Variants in ATP8B4 observed in about 807,000 individuals in gnomAD.
ATP8B4 encodes the protein probable phospholipid-transporting ATPase IM.
A neutral mutation model predicts 145.6 loss-of-function variants in ATP8B4; 133 were observed. That is an observed-to-expected ratio of 0.91 (90% confidence interval 0.79 to 1.05). The LOEUF is 1.05. Ranked by LOEUF, ATP8B4 falls within the 50% of genes least tolerant of loss-of-function variation. The probability of loss-of-function intolerance (pLI) is 0.00; values close to 1 mark genes in which losing one functional copy is unlikely to be tolerated. For synonymous variants in ATP8B4, 507 were observed against 492.9 expected, an observed-to-expected ratio of 1.03 and a Z score of -0.38; for missense variants, 1,458 against 1,425.2, an observed-to-expected ratio of 1.02 and a Z score of -0.37.
At chr15:49,914,615 CAATT>C (rs2039550998) in intron 20 of ATP8B4, among the ~76,000 whole-genome samples, 1 of 151,884 alleles carries the variant, frequency 6.6e-6, no homozygotes, top group Admixed American at 6.6e-5. Context: ...ACAAGGAACT[CAATT>C]AAAACAGTAA....
At chr15:50,169,523 GAAC>G (rs2044641539) in intron 1 of ATP8B4, among the ~76,000 whole-genome samples, 1 of 152,294 alleles carries the variant, frequency 6.6e-6, no homozygotes, top group Non-Finnish European at 1.5e-5. Context: ...AAAAAATTCT[GAAC>G]AACACCCTTC....
chr15:50,065,104 T>C (rs2053287896), intron 3 of ATP8B4, among the ~76,000 whole-genome samples: 1 of 152,170 alleles, frequency 6.6e-6, no homozygotes, highest in Non-Finnish European at 1.5e-5. Flanking sequence ...TTAAGTGTTC[T>C]CATCATAAAA....
intron 25 of ATP8B4, among the ~76,000 whole-genome samples, chr15:49,871,726 A>T (rs2033694798): frequency 6.6e-6 from 1 of 152,198 alleles, no homozygotes; most frequent in African/African-American, 2.4e-5. Flanking sequence ...TTAGGAATGC[A>T]GTGGCAACCA....
At chr15:50,056,572 G>A (rs569542184) in intron 3 of ATP8B4, among the ~76,000 whole-genome samples, 5 of 152,136 alleles carry the variant, frequency 3.3e-5, no homozygotes, top group South Asian at 2.1e-4. Context: ...AGGGGTGCTC[G>A]TTTCCTGGGT....
chr15:50,071,075 C>A (rs1335780065), intron 3 of ATP8B4, among the ~76,000 whole-genome samples: 1 of 152,136 alleles, frequency 6.6e-6, no homozygotes, highest in Non-Finnish European at 1.5e-5. Context: ...GATGGAGCTA[C>A]CTTGTTCAAT....
chr15:49,936,470 C>T (rs2041744778), intron 14 of ATP8B4, among the ~76,000 whole-genome samples: 1 of 152,126 alleles, frequency 6.6e-6, no homozygotes, highest in Non-Finnish European at 1.5e-5. Flanking sequence ...TTGAAGGGAT[C>T]ACTCCACTGT....
intron 14 of ATP8B4, among the ~76,000 whole-genome samples, chr15:49,942,718 G>A (rs1402489750): frequency 6.6e-6 from 1 of 151,938 alleles, no homozygotes; most frequent in Non-Finnish European, 1.5e-5. Context: ...CCAGCTACTC[G>A]GGAGGCTGAG....
At position 49,860,315 on chromosome 15, in the gene ATP8B4, G is replaced by A. The variant is rs750065508; in HGVS notation, c.3458C>T (p.Pro1153Leu). The change falls in exon 28 of 28, where the codon CCA becomes CTA. Residue 1153 changes from proline to leucine, a missense_variant. By Grantham distance (98) the Pro-to-Leu change is moderately conservative. Transcript: ENST00000284509. Reference sequence around the variant, plus strand: ...CTTTTCCAGCCCTGATGTTGGGGGTGGATTTTTAGCTCGCATATTTTTTCC... The same window carrying A: ...CTTTTCCAGCCCTGATGTTGGGGGTAGATTTTTAGCTCGCATATTTTTTCC... ...TSGKNMRAKN[P>L]PPTSGLEKTH... 6.2e-7 allele frequency: 1 copy of A among 1,614,058 alleles called. No homozygotes were observed. The highest frequency in any genetic ancestry group is 1.1e-5 in the South Asian group (1 of 91,072).
intron 7 of ATP8B4, chr15:50,009,824 G>A (rs1208356619): frequency 2.8e-6 from 1 of 361,616 alleles, no homozygotes; most frequent in East Asian, 8.2e-5. Context: ...CGACACCTTT[G>A]TGTTTATTTT....
intron 13 of ATP8B4, among the ~76,000 whole-genome samples, chr15:49,970,330 T>C (rs1567107885): frequency 6.6e-6 from 1 of 152,186 alleles, no homozygotes; most frequent in Non-Finnish European, 1.5e-5. Context: ...GGAAATCAAA[T>C]TGTCTCTGTT....
chr15:50,116,721 C>T (rs1287751108), intron 1 of ATP8B4, among the ~76,000 whole-genome samples: 2 of 151,946 alleles, frequency 1.3e-5, no homozygotes, highest in Non-Finnish European at 2.9e-5. Context: ...ATGCTGTGGC[C>T]CTCCCTCTGT....
At chr15:50,151,945 T>C (rs1176756332) in intron 1 of ATP8B4, among the ~76,000 whole-genome samples, 1 of 152,120 alleles carries the variant, frequency 6.6e-6, no homozygotes, top group Admixed American at 6.6e-5. Flanking sequence ...GAGAAAGTTT[T>C]CTTAAGTCTG....
At chr15:50,019,985 C>A (rs993669792) in intron 6 of ATP8B4, among the ~76,000 whole-genome samples, 1 of 150,430 alleles carries the variant, frequency 6.6e-6, no homozygotes, top group African/African-American at 2.5e-5. Flanking sequence ...TTTTTTGAAA[C>A]AGGGTCTCTG....
intron 3 of ATP8B4, among the ~76,000 whole-genome samples, chr15:50,067,871 A>G (rs1036782087): frequency 5.9e-5 from 9 of 152,300 alleles, no homozygotes; most frequent in African/African-American, 2.2e-4. Flanking sequence ...TTTGGAAAAT[A>G]AATGAGGAAA....
rs566145539 is a variant in ATP8B4, at chr15:50,084,736, T to C, written c.29-10551A>G. 3.9e-5 allele frequency among the ~76,000 whole-genome samples: 6 copies of C among 152,294 alleles called. No individual in the cohort carries two copies. In the East Asian group the frequency reaches 9.6e-4, roughly 24 times the overall value. On this transcript the variant is annotated intron_variant, in intron 2 of 27. Transcript: ENST00000284509. ...AGATCCTAGGGAAGAATGTGTTTCT[T>C]GACTTTCCAGCTTCTAAAAGCTGCC...
chr15:49,924,126 ACT>A (rs1186729557), intron 16 of ATP8B4, among the ~76,000 whole-genome samples: 1 of 152,054 alleles, frequency 6.6e-6, no homozygotes, highest in African/African-American at 2.4e-5. Flanking sequence ...TATCGGTAGT[ACT>A]GTGTTTTTAA....
chr15:50,172,895 C>T (rs576368235), intron 1 of ATP8B4, among the ~76,000 whole-genome samples: 1 of 150,348 alleles, frequency 6.7e-6, no homozygotes, highest in East Asian at 2.0e-4. Flanking sequence ...AGTGAGGAGC[C>T]CCTCCGTCCG....
intron 13 of ATP8B4, among the ~76,000 whole-genome samples, chr15:49,972,111 AGGGAGTGTTGGGACGTGGGAGGCTAG>A (rs956561993): frequency 2.0e-5 from 3 of 152,118 alleles, no homozygotes; most frequent in Non-Finnish European, 4.4e-5. Flanking sequence ...ATCACACACC[AGGGAGTGTTGGGACGTGGGAGGCTAG>A]GGGAGGGATG....
chr15:50,079,763 C>A (rs1184939967), intron 2 of ATP8B4, among the ~76,000 whole-genome samples: 1 of 152,148 alleles, frequency 6.6e-6, no homozygotes, highest in Non-Finnish European at 1.5e-5. Flanking sequence ...TGAATGAATG[C>A]ATAAGCTATG....
Sources: allele counts gnomAD v4.1 joint callset (sites outside exome capture counted in the v4.1 genomes callset), GRCh38; gene constraint gnomAD v4.1.1; transcripts MANE v1.5; gene names NCBI Gene and HGNC (gene_info 2026-07-23, HGNC 2026-07-21).